WDHD1: variants seen among roughly 807,000 people sequenced by gnomAD.
WDHD1 encodes WD repeat and HMG-box DNA binding protein 1.
WDHD1 carries 111 observed loss-of-function variants against 135.4 expected under a neutral mutation model. The observed-to-expected ratio is 0.82, with a 90% CI of 0.70 to 0.96. WDHD1 has a LOEUF of 0.96. Ranked by LOEUF, WDHD1 falls within the 40% of genes least tolerant of loss-of-function variation. The pLI is 0.00. For synonymous variants in WDHD1, 434 were observed against 439.0 expected, an observed-to-expected ratio of 0.99 and a Z score of 0.14; for missense variants, 1,351 against 1,336.3, an observed-to-expected ratio of 1.01 and a Z score of -0.17.
intron 18 of WDHD1, among the ~76,000 whole-genome samples, chr14:54,964,539 T>C (rs2041310434): frequency 6.6e-6 from 1 of 151,670 alleles, no homozygotes; most frequent in South Asian, 2.1e-4. Context: ...CTCGGGAGGC[T>C]GAGGCAGGAG....
chr14:54,992,789 C>T (rs894666892), intron 11 of WDHD1, among the ~76,000 whole-genome samples: 1 of 152,132 alleles, frequency 6.6e-6, no homozygotes, highest in African/African-American at 2.4e-5. Flanking sequence ...TGGCATGCAT[C>T]TGTAGTCCTA....
intron 18 of WDHD1, among the ~76,000 whole-genome samples, chr14:54,965,304 C>T (rs1166495259): frequency 6.6e-6 from 1 of 152,132 alleles, no homozygotes; most frequent in East Asian, 1.9e-4. Flanking sequence ...TGAGTGGGGA[C>T]ACAAGCACAG....
At chr14:55,026,576 A>C in intron 2 of WDHD1, 135 bp downstream of exon 2, 1 of 847,980 alleles carries the variant, frequency 1.2e-6, no homozygotes, top group Non-Finnish European at 1.9e-6. Context: ...AATCTAAAGA[A>C]ATATGTGTGC....
chr14:54,944,351 A>C lies in WDHD1; in HGVS notation c.3170T>G (p.Leu1057Trp). ...IKEGMIRFRVLSTEERKVWAN... is the reference protein window; with the variant it reads ...IKEGMIRFRVWSTEERKVWAN... ...CCTTACCTTTCTTTCTTCAGTTGAC[A>C]ATACTCTAAATCGAATCATTCCTTC... The change falls in exon 25 of 26, where the codon TTG becomes TGG. Residue 1057 changes from leucine (L) to tryptophan (W), a missense_variant. Leu to Trp is a moderately conservative substitution (Grantham distance 61). Around this residue, in one of 2 missense-constraint regions of WDHD1, gnomAD observed 1,330 missense variants for 1,296.1 expected, o/e 1.03. Coordinates refer to ENST00000360586, the MANE Select transcript of WDHD1 (RefSeq NM_007086.4). 1 of 1,604,970 alleles carries C rather than the reference A, an allele frequency of 6.2e-7. No homozygotes were observed.
At position 54,951,279 on chromosome 14, in the gene WDHD1, G is replaced by GATGC. The variant is rs1324026240; in HGVS notation, c.3050+4281_3050+4282insGCAT. On this transcript the variant is annotated intron_variant, in intron 24 of 25. Coordinates refer to ENST00000360586, the MANE Select transcript of WDHD1 (RefSeq NM_007086.4). Reference sequence around the variant, plus strand: ...GACTAATAAAGAAGAAAAGAGAGAAGAATCAAATAGATGCAATAAAAAATG... The same window carrying GATGC: ...GACTAATAAAGAAGAAAAGAGAGAAGATGCAATCAAATAGATGCAATAAAAAATG... Among the ~76,000 whole-genome samples the GATGC allele has an allele frequency of 8.0e-4, 121 of 150,562 alleles. 2 individuals carry two copies. In the South Asian group the frequency reaches 0.025, roughly 31 times the overall value.
chr14:55,021,461 C>A (rs965205317), intron 2 of WDHD1, among the ~76,000 whole-genome samples: 1 of 151,050 alleles, frequency 6.6e-6, no homozygotes, highest in Non-Finnish European at 1.5e-5. Context: ...CTGGAATGTG[C>A]AGCGGCACAA....
At chr14:55,001,202 A>G (rs1406355540) in intron 8 of WDHD1, among the ~76,000 whole-genome samples, 1 of 152,200 alleles carries the variant, frequency 6.6e-6, no homozygotes, top group East Asian at 1.9e-4. Context: ...TCACTTTTCA[A>G]TAACATTCAA....
At chr14:55,009,469 G>A (rs2042128863) in intron 4 of WDHD1, among the ~76,000 whole-genome samples, 1 of 142,098 alleles carries the variant, frequency 7.0e-6, no homozygotes, top group South Asian at 2.2e-4. Context: ...TTTCACTCTT[G>A]TTGCCCAGGC....
At chr14:54,962,308 T>C (rs993220026) in intron 21 of WDHD1, among the ~76,000 whole-genome samples, 190 bp downstream of exon 21, 6 of 152,122 alleles carry the variant, frequency 3.9e-5, no homozygotes, top group Non-Finnish European at 5.9e-5. Context: ...TGACACTCAA[T>C]AGGCATTTTA....
intron 14 of WDHD1, among the ~76,000 whole-genome samples, chr14:54,986,061 T>C (rs2041689661): frequency 6.6e-6 from 1 of 152,024 alleles, no homozygotes; most frequent in Admixed American, 6.6e-5. Context: ...AAGGAGAGGG[T>C]AGGGTTGGTG....
At chr14:55,004,543 C>T (rs777509066) in intron 7 of WDHD1, among the ~76,000 whole-genome samples, 4 of 152,170 alleles carry the variant, frequency 2.6e-5, no homozygotes, top group Non-Finnish European at 5.9e-5. Context: ...ACCTCCGCCT[C>T]CTGGGTTCAA....
chr14:54,945,203 C>A (rs531456042), intron 24 of WDHD1, among the ~76,000 whole-genome samples: 1 of 152,280 alleles, frequency 6.6e-6, no homozygotes, highest in East Asian at 1.9e-4. Context: ...GCTCTCAGAG[C>A]TGACCTGCAT....
intron 16 of WDHD1, among the ~76,000 whole-genome samples, chr14:54,968,587 A>G (rs191126643): frequency 1.3e-5 from 2 of 152,312 alleles, no homozygotes; most frequent in East Asian, 3.9e-4. Flanking sequence ...GATTTTTTGA[A>G]AGGATAAACA....
At position 54,987,225 on chromosome 14, in the gene WDHD1, T is replaced by C. The variant is rs770747803; in HGVS notation, c.1689A>G (p.Gln563=). ...LLRLFTIGGV[Q]KEVFSLAGPV... ...GTCCAGCAAGGCTGAATACCTCTTT[T>C]TGAACCCCTCCAATAGTAAACAATC... The change falls in exon 14 of 26, where the codon CAA becomes CAG. Residue 563 remains glutamine (Q), a synonymous_variant. Coordinates refer to ENST00000360586, the MANE Select transcript of WDHD1 (RefSeq NM_007086.4). 5.6e-6 allele frequency: 9 copies of C among 1,614,028 alleles called. No individual in the cohort carries two copies. In the East Asian group the frequency reaches 6.7e-5, roughly 12 times the overall value.
intron 7 of WDHD1, among the ~76,000 whole-genome samples, chr14:55,002,695 C>G (rs139974566): frequency 6.6e-6 from 1 of 152,202 alleles, no homozygotes; most frequent in African/African-American, 2.4e-5. Context: ...GCCTCAAACT[C>G]CTGGGGTCAA....
Position 54,989,172 on chromosome 14 carries a change from T to C in WDHD1, c.1382A>G (p.Glu461Gly). Residue 461 changes from glutamate (E) to glycine (G), a missense_variant, in exon 13 of 26, where the codon GAG (glutamate) becomes GGG (glycine). Coordinates refer to ENST00000360586, the MANE Select transcript of WDHD1 (RefSeq NM_007086.4). The part of the protein sequence containing the change: ...SIGIIRCYND[E>G]QDNAIDVEFH... ...CTCCACATCTATGGCATTGTCTTGC[T>C]CATCATTATAGCAGCGAATAATTCC... The C allele has an allele frequency of 3.7e-6, 6 of 1,613,674 alleles. No homozygotes were observed. The highest frequency in any genetic ancestry group is 5.1e-6 in the Non-Finnish European group (6 of 1,179,790).
intron 2 of WDHD1, among the ~76,000 whole-genome samples, chr14:55,025,957 T>C (rs1834002572): frequency 6.6e-6 from 1 of 152,262 alleles, no homozygotes; most frequent in South Asian, 2.1e-4. Flanking sequence ...CTTCCCTGAC[T>C]CCTTTAACTA....
chr14:55,015,699 A>T (rs1033561917), intron 2 of WDHD1, among the ~76,000 whole-genome samples: 1 of 143,258 alleles, frequency 7.0e-6, no homozygotes, highest in South Asian at 2.2e-4. Context: ...TTCCAATGGA[A>T]TTTTTTTTTT....
chr14:54,975,440 C>T (rs923810843), intron 16 of WDHD1, among the ~76,000 whole-genome samples: 2 of 151,856 alleles, frequency 1.3e-5, no homozygotes, highest in African/African-American at 2.4e-5. Context: ...CTCTACCTCC[C>T]AGGTTGAAGC....
Sources: gnomAD v4.1 joint callset for allele counts (sites outside exome capture counted in the v4.1 genomes callset) on GRCh38, gnomAD v4.1.1 for gene constraint, gnomAD v4.1.1 regional missense constraint, MANE v1.5 for transcripts, NCBI Gene and HGNC (gene_info 2026-07-23, HGNC 2026-07-21) for gene names.